Variants in TOP2B observed in about 807,000 individuals in gnomAD.
TOP2B encodes the protein DNA topoisomerase 2-beta.
A neutral mutation model predicts 193.5 loss-of-function variants in TOP2B; 51 were observed. The observed-to-expected ratio is 0.26, with a 90% CI of 0.21 to 0.33. The LOEUF (loss-of-function observed/expected upper bound fraction) is 0.33, where lower values mean the gene tolerates loss of function less well. Ranked by LOEUF, TOP2B falls within the 10% of genes least tolerant of loss-of-function variation. The pLI is 1.00. For missense variants in TOP2B, 1,378 were observed against 1,909.3 expected, an observed-to-expected ratio of 0.72 and a Z score of 5.19; for synonymous variants, 634 against 635.7, an observed-to-expected ratio of 1.00 and a Z score of 0.04.
At chr3:25,604,914 G>C in intron 32 of TOP2B, 44 bp from the exon 33 acceptor site, 5 of 1,398,554 alleles carry the variant, frequency 3.6e-6, no homozygotes, top group Non-Finnish European at 5.0e-6. Context: ...ATGTTATAAA[G>C]ATCTCTCAGT....
chr3:25,600,773 C>T (rs1189530105), intron 34 of TOP2B, among the ~76,000 whole-genome samples: 1 of 152,202 alleles, frequency 6.6e-6, no homozygotes, highest in African/African-American at 2.4e-5. Context: ...CTATAAGTGT[C>T]ACAGTTAGTG....
rs60844877 is a variant in TOP2B, at chr3:25,602,416, GA to G, written c.4490-1192del. Among the ~76,000 whole-genome samples, 308 of 111,700 alleles carry G rather than the reference GA, an allele frequency of 2.8e-3. 2 individuals are homozygous for G. The highest frequency in any genetic ancestry group is 3.5e-3 in the Non-Finnish European group (191 of 54,592). The allele number at this position is 111,700 out of a possible 152,430, so 73.3% of individuals were successfully genotyped here. ...TGTCTCAAAAAAAAAAAAAGAAAAA[GA>G]AAAAAAAAAAACTGATAAATCACTT... On this transcript the variant is annotated intron_variant, in intron 33 of 35. Coordinates refer to ENST00000264331, the MANE Select transcript of TOP2B (RefSeq NM_001330700.2).
At chr3:25,609,407 T>C in intron 29 of TOP2B, 63 bp from the exon 30 acceptor site, 2 of 1,475,046 alleles carry the variant, frequency 1.4e-6, no homozygotes, top group Non-Finnish European at 9.0e-7. Flanking sequence ...TTAGTAAAAA[T>C]AAAATTGTTA....
chr3:25,638,646 A>G (rs1040129172), intron 4 of TOP2B, among the ~76,000 whole-genome samples: 6 of 152,108 alleles, frequency 3.9e-5, no homozygotes, highest in African/African-American at 1.4e-4. Context: ...CATCATGTTT[A>G]GCACATGGTA....
At chr3:25,655,302 A>T (rs1342545419) in intron 1 of TOP2B, among the ~76,000 whole-genome samples, 1 of 152,182 alleles carries the variant, frequency 6.6e-6, no homozygotes, top group Non-Finnish European at 1.5e-5. Flanking sequence ...CAACATTACT[A>T]ATAAGAGAAA....
intron 27 of TOP2B, 59 bp downstream of exon 27, chr3:25,615,146 T>A (rs1028384683): frequency 2.1e-6 from 3 of 1,446,848 alleles, no homozygotes; most frequent in Non-Finnish European, 2.9e-6. Context: ...TTAAAAGAAT[T>A]TCATTCTTGT....
At chr3:25,636,932 T>C (rs1447925359) in intron 6 of TOP2B, among the ~76,000 whole-genome samples, 2 of 152,048 alleles carry the variant, frequency 1.3e-5, no homozygotes, top group African/African-American at 4.8e-5. Flanking sequence ...TGCATGTACA[T>C]GAGTCTGCGA....
rs765224281 is a variant in TOP2B at position 25,624,279 on chromosome 3, A to G, written c.2495+18T>C. The G allele has an allele frequency of 2.5e-6, 4 of 1,613,176 alleles. No individual in the cohort carries two copies. Among genetic ancestry groups the G allele is most frequent in the East Asian group, 2.2e-5 (1 of 44,858 alleles). On this transcript the variant is annotated intron_variant, in intron 20 of 35. Coordinates refer to ENST00000264331, the MANE Select transcript of TOP2B (RefSeq NM_001330700.2). ...AAATCAAATCAAACTTTATACCATT[A>G]TATCAGCAAATATTTACCTTAACAT...
At chr3:25,649,887 T>A (rs1021032873) in intron 1 of TOP2B, among the ~76,000 whole-genome samples, 1 of 152,062 alleles carries the variant, frequency 6.6e-6, no homozygotes, top group Admixed American at 6.5e-5. Context: ...ATAAAAAATA[T>A]AAATTTTATT....
chr3:25,623,811 T>A, intron 20 of TOP2B, 65 bp from the exon 21 acceptor site: 2 of 1,061,158 alleles, frequency 1.9e-6, no homozygotes, highest in Non-Finnish European at 2.7e-6. Context: ...ACTTTATACA[T>A]AATTAAAAAC....
chr3:25,664,318 A>T lies in TOP2B; in HGVS notation c.-21T>A. On this transcript the variant is annotated 5_prime_UTR_variant, in exon 1 of 36. Coordinates refer to ENST00000264331, the MANE Select transcript of TOP2B (RefSeq NM_001330700.2). The stretch of plus-strand genomic sequence containing the variant: ...GCCATGGCGAGTGCCTCCAGCTCAC[A>T]GGCCCTGAGGCCGCAGCCGCCGCTC... The T allele has an allele frequency of 6.8e-7, 1 of 1,474,224 alleles. No individual in the cohort carries two copies. The allele number at this position is 1,474,224 out of a possible 1,614,324, so 91.3% of individuals were successfully genotyped here.
At chr3:25,613,641 C>T (rs1702434681) in intron 27 of TOP2B, among the ~76,000 whole-genome samples, 1 of 151,778 alleles carries the variant, frequency 6.6e-6, no homozygotes, top group South Asian at 2.1e-4. Flanking sequence ...GGTAGGAGGA[C>T]TGCTTGAGCC....
chr3:25,624,283 C>T lies in TOP2B; in HGVS notation c.2495+14G>A. On this transcript the variant is annotated intron_variant, in intron 20 of 35. Transcript: ENST00000264331. ...CAAATCAAACTTTATACCATTATAT[C>T]AGCAAATATTTACCTTAACATTGTG... 1.2e-6 allele frequency: 2 copies of T among 1,613,062 alleles called. No homozygotes were observed. The highest frequency in any genetic ancestry group is 1.7e-6 in the Non-Finnish European group (2 of 1,179,426).
At position 25,607,262 on chromosome 3, in the gene TOP2B, T is replaced by C; in HGVS notation, c.4207A>G (p.Thr1403Ala). Residue 1403 changes from threonine to alanine, a missense_variant, in exon 31 of 36, where the codon ACA (threonine) becomes GCA (alanine). Coordinates refer to ENST00000264331, the MANE Select transcript of TOP2B (RefSeq NM_001330700.2). The part of the protein sequence containing the change: ...EELKVKASPI[T>A]NDGEDEFVPS... ...ACAAATTCATCTTCCCCATCATTTG[T>C]TATGGGAGATGCTTTAACTTTCAAT... is the stretch of plus-strand genomic sequence containing the variant. The C allele has an allele frequency of 6.3e-7, 1 of 1,590,458 alleles. No homozygotes were observed. The highest frequency in any genetic ancestry group is 8.6e-7 in the Non-Finnish European group (1 of 1,166,480).
At chr3:25,604,022 A>G (rs1702175213) in intron 33 of TOP2B, among the ~76,000 whole-genome samples, 1 of 152,192 alleles carries the variant, frequency 6.6e-6, no homozygotes, top group East Asian at 1.9e-4. Flanking sequence ...GTAAATAACC[A>G]GTTTCTCAAT....
intron 1 of TOP2B, among the ~76,000 whole-genome samples, chr3:25,659,274 C>A: frequency 6.6e-6 from 1 of 152,248 alleles, no homozygotes; most frequent in South Asian, 2.1e-4. Context: ...CAAACTGTCC[C>A]CTGTCTATGC....
At chr3:25,658,252 T>A (rs551797284) in intron 1 of TOP2B, among the ~76,000 whole-genome samples, 128 of 150,892 alleles carry the variant, frequency 8.5e-4, no homozygotes, top group South Asian at 2.1e-3. Flanking sequence ...TAATAATAAT[T>A]ATTATTATTA....
chr3:25,660,076 A>G (rs1164617595), intron 1 of TOP2B, among the ~76,000 whole-genome samples: 1 of 152,216 alleles, frequency 6.6e-6, no homozygotes, highest in African/African-American at 2.4e-5. Context: ...CACCTAACCA[A>G]CAAACCTGGG....
At chr3:25,655,715 T>A (rs766114644) in intron 1 of TOP2B, among the ~76,000 whole-genome samples, 3 of 152,194 alleles carry the variant, frequency 2.0e-5, no homozygotes, top group Non-Finnish European at 4.4e-5. Flanking sequence ...AACATGGAAA[T>A]CTTGTCATGT....
Sources: allele counts gnomAD v4.1 joint callset (sites outside exome capture counted in the v4.1 genomes callset), GRCh38; gene constraint gnomAD v4.1.1; transcripts MANE v1.5; gene names NCBI Gene and HGNC (gene_info 2026-07-23, HGNC 2026-07-21).